SMARCD3: variants seen among roughly 807,000 people sequenced by gnomAD.
SMARCD3 encodes SWI/SNF related BAF chromatin remodeling complex subunit D3.
Under a neutral mutation model 58.0 loss-of-function variants are expected in SMARCD3, and 14 were observed. The observed-to-expected ratio is 0.24, with a 90% CI of 0.16 to 0.38. The LOEUF (loss-of-function observed/expected upper bound fraction) is 0.38. Among genes scored for constraint, SMARCD3 ranks in the 10% least tolerant of loss-of-function variants. The pLI is 1.00. For synonymous variants in SMARCD3, 253 were observed against 253.8 expected (o/e 1.00, Z 0.03); for missense variants, 408 against 636.9 (o/e 0.64, Z 3.87).
At position 151,238,803 on chromosome 7, in the gene SMARCD3, T is replaced by A; in HGVS notation, c.*300A>T. Reference sequence around the variant, plus strand: ...TATTTTTTAAATATGAAAATGTTATTAAACATGTCTTCTGCCAAACTGTTT... The same window carrying A: ...TATTTTTTAAATATGAAAATGTTATAAAACATGTCTTCTGCCAAACTGTTT... On this transcript the variant is annotated 3_prime_UTR_variant, in exon 13 of 13. Coordinates refer to ENST00000262188, the MANE Select transcript of SMARCD3 (RefSeq NM_001003801.2). 1 of 1,542,688 alleles carries A rather than the reference T, an allele frequency of 6.5e-7. No homozygotes were observed. Among genetic ancestry groups the A allele is most frequent in the Non-Finnish European group, 8.7e-7 (1 of 1,148,420 alleles).
intron 2 of SMARCD3, among the ~76,000 whole-genome samples, chr7:151,257,541 G>A (rs1803740013): frequency 1.3e-5 from 2 of 152,148 alleles, no homozygotes; most frequent in South Asian, 2.1e-4. Context: ...TGGCCAGGCT[G>A]GTCTCGAACT....
intron 2 of SMARCD3, among the ~76,000 whole-genome samples, chr7:151,273,966 T>C (rs1194683216): frequency 6.6e-6 from 1 of 152,206 alleles, no homozygotes; most frequent in East Asian, 1.9e-4. Flanking sequence ...CTCTGCCCAC[T>C]TCTGAGGAAG....
chr7:151,241,404 A>G lies in SMARCD3; in HGVS notation c.939+88T>C. 2.7e-6 allele frequency: 3 copies of G among 1,100,696 alleles called. No homozygotes were observed. The highest frequency in any genetic ancestry group is 1.3e-5 in the South Asian group (1 of 75,012). The allele number at this position is 1,100,696 out of a possible 1,614,324, so 68.2% of individuals were successfully genotyped here. A position where few individuals can be genotyped will look rare whatever the true frequency, so the allele number is the denominator to read the frequency against. ...TCTGCTACTCAGGAATCTAGAAGGG[A>G]GGGGTGGTAGTTACCTTGGTAGAGG... On this transcript the variant is annotated intron_variant, in intron 8 of 12. Transcript: ENST00000262188. This position sits in a 1 kb window ranked among gnomAD's most constrained non-coding sequence, Gnocchi z 5.3.
At position 151,242,653 on chromosome 7, in the gene SMARCD3, G is replaced by C; in HGVS notation, c.457-50C>G. 1 of 1,611,506 alleles carries C rather than the reference G, an allele frequency of 6.2e-7. No homozygotes were observed. The highest frequency in any genetic ancestry group is 8.5e-7 in the Non-Finnish European group (1 of 1,178,050). On this transcript the variant is annotated intron_variant, in intron 4 of 12. Coordinates refer to ENST00000262188, the MANE Select transcript of SMARCD3 (RefSeq NM_001003801.2). This position sits in a 1 kb window ranked among gnomAD's most constrained non-coding sequence, Gnocchi z 4.7. ...GGCGAATGCTGTGTGCTCCCACCCC[G>C]ACCACCCTGCTTCCCCATCCTGGTC...
At chr7:151,261,640 C>T (rs1482513073) in intron 2 of SMARCD3, among the ~76,000 whole-genome samples, 1 of 152,204 alleles carries the variant, frequency 6.6e-6, no homozygotes, top group African/African-American at 2.4e-5. Context: ...TCCTGCCTGC[C>T]TGTCTCACAG....
chr7:151,242,367 C>A lies in SMARCD3; in HGVS notation c.579+114G>T. ...GCACTTGGAATGTCTCTAGGCCTGC[C>A]CCTCCACCCAGCCTGGGCTGACTCC... On this transcript the variant is annotated intron_variant, in intron 5 of 12. Coordinates refer to ENST00000262188, the MANE Select transcript of SMARCD3 (RefSeq NM_001003801.2). This position sits in a 1 kb window ranked among gnomAD's most constrained non-coding sequence, Gnocchi z 4.7. 1 of 1,482,542 alleles carries A rather than the reference C, an allele frequency of 6.7e-7. No homozygotes were observed. The allele number at this position is 1,482,542 out of a possible 1,614,324, so 91.8% of individuals were successfully genotyped here.
rs1204385787 is a variant in SMARCD3, at chr7:151,238,883, G to A, written c.*220C>T. On this transcript the variant is annotated 3_prime_UTR_variant, in exon 13 of 13. Coordinates refer to ENST00000262188, the MANE Select transcript of SMARCD3 (RefSeq NM_001003801.2). ...AGAATCCAAGGGAAGGGAATGGGGA[G>A]TCGTCCCGAGGGACCCACTGCCTCC... 2 of 1,302,148 alleles carry A rather than the reference G, an allele frequency of 1.5e-6. No homozygotes were observed. The highest frequency in any genetic ancestry group is 2.1e-6 in the Non-Finnish European group (2 of 943,380). The allele number at this position is 1,302,148 out of a possible 1,614,324, so 80.7% of individuals were successfully genotyped here.
In SMARCD3 at chr7:151,242,075, C is replaced by T. The variant is rs998815062; in HGVS notation, c.675+62G>A. 1.9e-6 allele frequency: 3 copies of T among 1,542,036 alleles called. No homozygotes were observed. The highest frequency in any genetic ancestry group is 1.4e-5 in the African/African-American group (1 of 73,468). On this transcript the variant is annotated intron_variant, in intron 6 of 12. Transcript: ENST00000262188. The surrounding 1 kb of genome is among the most constrained non-coding windows in gnomAD (Gnocchi z 4.7). ...TCCCTGACCCAAATCTGTGCTGGTTCTTCAGGGATTCTGGCCTGTGGGAGG... is the reference window on the plus strand; with the variant it reads ...TCCCTGACCCAAATCTGTGCTGGTTTTTCAGGGATTCTGGCCTGTGGGAGG...
At chr7:151,256,762 TC>T (rs1283748490) in intron 2 of SMARCD3, among the ~76,000 whole-genome samples, 3 of 151,968 alleles carry the variant, frequency 2.0e-5, no homozygotes, top group Non-Finnish European at 2.9e-5. Flanking sequence ...GTGCCCGTTT[TC>T]CCCTTCACTG....
upstream of SMARCD3, among the ~76,000 whole-genome samples, chr7:151,251,131 G>A (rs374553470): frequency 1.1e-3 from 163 of 152,112 alleles, no homozygotes; most frequent in Admixed American, 1.9e-3. Flanking sequence ...GGGAGATCCC[G>A]GGCTTGGTCT....
At position 151,245,592 on chromosome 7, in the gene SMARCD3, C is replaced by T; in HGVS notation, c.158G>A (p.Ser53Asn). Residue 53 changes from serine to asparagine, a missense_variant, in exon 2 of 13, where the codon AGC becomes AAC. By Grantham distance (46) the Ser-to-Asn change is conservative (BLOSUM62 1). Around this residue, in one of 4 missense-constraint regions of SMARCD3, gnomAD observed 84 missense variants for 81.2 expected, o/e 1.03. Coordinates refer to ENST00000262188, the MANE Select transcript of SMARCD3 (RefSeq NM_001003801.2). The surrounding 1 kb of genome is among the most constrained non-coding windows in gnomAD (Gnocchi z 6.2). The part of the protein sequence containing the change: ...MGPPGSPYMG[S>N]PAVRPGLAPA... ...GGCCAGGCCGGGTCGCACGGCGGGG[C>T]TGCCCATGTACGGGGAGCCCGGGGG... is the stretch of plus-strand genomic sequence containing the variant. 1 of 1,167,178 alleles carries T rather than the reference C, an allele frequency of 8.6e-7. No individual in the cohort carries two copies. The highest frequency in any genetic ancestry group is 1.1e-6 in the Non-Finnish European group (1 of 929,848). 72.3% of individuals were successfully genotyped at this position (1,167,178 alleles called of 1,614,324 possible). A position where few individuals can be genotyped will look rare whatever the true frequency, so the allele number is the denominator to read the frequency against.
At chr7:151,244,004 C>A (rs1011302965) in intron 2 of SMARCD3, among the ~76,000 whole-genome samples, 2 of 152,138 alleles carry the variant, frequency 1.3e-5, no homozygotes, top group African/African-American at 4.8e-5. Flanking sequence ...CCAAAAGATG[C>A]GAGCTGCAGA....
intron 2 of SMARCD3, among the ~76,000 whole-genome samples, chr7:151,256,173 C>T (rs370860546): frequency 2.0e-5 from 3 of 150,486 alleles, no homozygotes; most frequent in African/African-American, 7.4e-5. Flanking sequence ...TGAGCCACTG[C>T]GCCTGGCTTT....
chr7:151,269,639 G>A (rs1795100103), intron 2 of SMARCD3, among the ~76,000 whole-genome samples: 1 of 152,152 alleles, frequency 6.6e-6, no homozygotes, highest in South Asian at 2.1e-4. Flanking sequence ...GCGTATGCGG[G>A]CAGCATGAAT....
At chr7:151,263,727 G>A (rs58992040) in intron 2 of SMARCD3, among the ~76,000 whole-genome samples, 30,967 of 152,096 alleles carry the variant, frequency 0.2, 3,591 homozygotes, top group Non-Finnish European at 0.27. Flanking sequence ...GGACCAGGCC[G>A]GCACCATCTT....
intron 8 of SMARCD3, chr7:151,240,830 T>G (rs1271790829): frequency 2.6e-6 from 1 of 378,096 alleles, no homozygotes; most frequent in Non-Finnish European, 4.9e-6. Context: ...CAGGGCTCAG[T>G]GTCTTCATCT....
At chr7:151,257,766 G>T (rs1180598646) in intron 2 of SMARCD3, among the ~76,000 whole-genome samples, 1 of 152,012 alleles carries the variant, frequency 6.6e-6, no homozygotes, top group Non-Finnish European at 1.5e-5. Flanking sequence ...CTCCATGCAG[G>T]AGCGCCAGGA....
rs924724725 is a variant in SMARCD3 at position 151,246,979 on chromosome 7, C to A, written c.79-1308G>T. ...GGGCTTGCTGTTTTCCTTCCAACTG[C>A]TACCTCTCCCTCCTGGTCCTCCAGG... On this transcript the variant is annotated intron_variant, in intron 1 of 12. Transcript: ENST00000262188. This position sits in a 1 kb window ranked among gnomAD's most constrained non-coding sequence, Gnocchi z 4.4. Among the ~76,000 whole-genome samples, 1 of 152,252 alleles carries A rather than the reference C, an allele frequency of 6.6e-6. No individual in the cohort carries two copies. Among genetic ancestry groups the A allele is most frequent in the Middle Eastern group, 3.4e-3 (1 of 294 alleles).
At chr7:151,258,925 C>T (rs1487384545) in intron 2 of SMARCD3, among the ~76,000 whole-genome samples, 1 of 152,102 alleles carries the variant, frequency 6.6e-6, no homozygotes, top group Non-Finnish European at 1.5e-5. Context: ...TGATTAAAAA[C>T]TGCAAGCCCT....
Sources: allele counts gnomAD v4.1 joint callset (sites outside exome capture counted in the v4.1 genomes callset), GRCh38; gene constraint gnomAD v4.1.1; regional missense constraint gnomAD v4.1.1; non-coding constraint Gnocchi (gnomAD v3.1); transcripts MANE v1.5; gene names NCBI Gene and HGNC (gene_info 2026-07-23, HGNC 2026-07-21).